The following SLC25A29 variants were observed in gnomAD, a reference collection of about 807,000 sequenced individuals.
SLC25A29 encodes solute carrier family 25 member 29.
In SLC25A29, 13 loss-of-function variants were observed where a neutral mutation model predicts 10.0. That is an observed-to-expected ratio of 1.30 (90% CI 0.85 to 2.07). The LOEUF is 2.07. Among genes scored for constraint, SLC25A29 ranks in the 30% most tolerant of loss-of-function variants. The pLI is 0.00. For synonymous variants in SLC25A29, 244 were observed against 221.1 expected (o/e 1.10, Z -0.92); for missense variants, 475 against 447.6 (o/e 1.06, Z -0.55).
At chr14:100,284,415 G>A in the SLC25A29 span, among the ~76,000 whole-genome samples, 1 of 152,126 alleles carries the variant, frequency 6.6e-6, no homozygotes, top group Non-Finnish European at 1.5e-5. Context: ...GGTCCTTGCT[G>A]ACCTCCCCAC....
intron 3 of SLC25A29, 33 bp downstream of exon 3, chr14:100,293,261 G>C (rs764866572): frequency 1.9e-6 from 3 of 1,606,504 alleles, no homozygotes; most frequent in Non-Finnish European, 2.6e-6. Flanking sequence ...CCCATCCTGT[G>C]CCTCCCGAGC....
chr14:100,299,402 C>G, intron 1 of SLC25A29: 2 of 997,070 alleles, frequency 2.0e-6, no homozygotes, highest in Non-Finnish European at 2.4e-6. Flanking sequence ...CCTCCCTCCC[C>G]CAGAGTGGCC....
In SLC25A29 at chr14:100,299,604, C is replaced by T. The variant is rs555707409; in HGVS notation, c.35-719G>A. The T allele has an allele frequency of 1.0e-4, 99 of 985,750 alleles. No individual in the cohort carries two copies. The Admixed American group carries it at 1.0e-3, about 10-fold the overall frequency. 61.1% of individuals were successfully genotyped at this position (985,750 alleles called of 1,614,324 possible). On this transcript the variant is annotated intron_variant, in intron 1 of 3. Transcript: ENST00000359232. ...GCCCCTCTTGAAGGACAAAGGTTCA[C>T]CCCTCCAAAATGGCTCACAAACACT...
intron 1 of SLC25A29, among the ~76,000 whole-genome samples, chr14:100,301,744 T>TCGA (rs1892564539): frequency 1.4e-5 from 2 of 142,166 alleles, no homozygotes; most frequent in South Asian, 4.6e-4. Flanking sequence ...TCTCCTGACC[T>TCGA]CGTGATCCAC....
At chr14:100,294,082 G>C (rs1401328132) in intron 2 of SLC25A29, 1 of 152,210 alleles carries the variant, frequency 6.6e-6, no homozygotes, top group African/African-American at 2.4e-5. Context: ...ACTCCAGCCT[G>C]GGCGAGAAAG....
In SLC25A29 at chr14:100,293,389, G is replaced by A. The variant is rs1377494231; in HGVS notation, c.79-12C>T. The A allele has an allele frequency of 1.2e-6, 2 of 1,611,898 alleles. No homozygotes were observed. Among genetic ancestry groups the A allele is most frequent in the East Asian group, 2.2e-5 (1 of 44,862 alleles). On this transcript the variant is annotated splice_polypyrimidine_tract_variant and intron_variant, in intron 2 of 3. Coordinates refer to ENST00000359232, the MANE Select transcript of SLC25A29 (RefSeq NM_001039355.3). ...ACCTGAAGCCGTACCTGGAAGGAGAGGGTCCAGTGAGAGGCAGGCAGGCAG... is the reference window on the plus strand; with the variant it reads ...ACCTGAAGCCGTACCTGGAAGGAGAAGGTCCAGTGAGAGGCAGGCAGGCAG...
the SLC25A29 span, chr14:100,280,893 T>G: frequency 6.6e-6 from 1 of 151,976 alleles, no homozygotes; most frequent in South Asian, 2.1e-4. Flanking sequence ...CCAGAGTTTG[T>G]GGCACAGGAA....
At chr14:100,298,704 G>GGAA in intron 2 of SLC25A29, 138 bp downstream of exon 2, 1 of 1,071,124 alleles carries the variant, frequency 9.3e-7, no homozygotes, top group East Asian at 2.4e-5. Context: ...AAAGCAGTGA[G>GGAA]GAAGGTTCAA....
intron 1 of SLC25A29, among the ~76,000 whole-genome samples, chr14:100,302,871 C>G (rs1236727551): frequency 6.6e-6 from 1 of 151,842 alleles, no homozygotes; most frequent in Non-Finnish European, 1.5e-5. Flanking sequence ...CCAGGAGATG[C>G]CAAGGGTGTG....
the SLC25A29 span, chr14:100,279,582 GGA>G: frequency 6.6e-6 from 1 of 152,302 alleles, no homozygotes; most frequent in Non-Finnish European, 1.5e-5. Flanking sequence ...CTGGCAGTCA[GGA>G]GAGAGGTCAG....
At chr14:100,298,418 C>G (rs905414654) in intron 2 of SLC25A29, among the ~76,000 whole-genome samples, 3 of 152,156 alleles carry the variant, frequency 2.0e-5, no homozygotes, top group Non-Finnish European at 2.9e-5. Flanking sequence ...GCCTCTGGCA[C>G]GTGGGAAACC....
chr14:100,285,042 A>C, the SLC25A29 span, among the ~76,000 whole-genome samples: 1 of 30,852 alleles, frequency 3.2e-5, no homozygotes, highest in Admixed American at 4.3e-4. Context: ...CGTCTAAAAA[A>C]GCGGGGGGGG....
intron 1 of SLC25A29, among the ~76,000 whole-genome samples, chr14:100,300,953 G>A (rs1222278387): frequency 6.6e-6 from 1 of 152,084 alleles, no homozygotes; most frequent in African/African-American, 2.4e-5. Flanking sequence ...AGGCTGGAGT[G>A]TAGTGTTGCG....
chr14:100,298,627 C>T, intron 2 of SLC25A29: 1 of 627,448 alleles, frequency 1.6e-6, no homozygotes, highest in Admixed American at 2.8e-5. Flanking sequence ...TCCAGCTGGC[C>T]AAGCCCAGGA....
intron 2 of SLC25A29, among the ~76,000 whole-genome samples, chr14:100,296,877 C>A (rs1033158047): frequency 6.6e-6 from 1 of 152,046 alleles, no homozygotes; most frequent in East Asian, 1.9e-4. Flanking sequence ...GGATTACAGG[C>A]ATGAGCCACT....
intron 3 of SLC25A29, 28 bp from the exon 4 acceptor site, chr14:100,293,060 C>A: frequency 6.7e-7 from 1 of 1,500,668 alleles, no homozygotes. Context: ...CCATCAGAGC[C>A]GGCAACGCGC....
chr14:100,286,347 T>A (rs1050767473), downstream of SLC25A29, among the ~76,000 whole-genome samples: 5 of 152,196 alleles, frequency 3.3e-5, no homozygotes, highest in African/African-American at 1.2e-4. Flanking sequence ...GTGTCTGCTC[T>A]TTGTCCTGTG....
chr14:100,286,141 G>A (rs1406302457), downstream of SLC25A29, among the ~76,000 whole-genome samples: 1 of 152,156 alleles, frequency 6.6e-6, no homozygotes, highest in East Asian at 1.9e-4. Flanking sequence ...TCCCTGGCCC[G>A]TCTCTGTATT....
chr14:100,286,949 A>G (rs1317994745), downstream of SLC25A29, among the ~76,000 whole-genome samples: 1 of 152,194 alleles, frequency 6.6e-6, no homozygotes, highest in African/African-American at 2.4e-5. Context: ...ACCCTCCCCA[A>G]CTGGTACCCT....
Sources: gnomAD v4.1 joint callset for allele counts (sites outside exome capture counted in the v4.1 genomes callset) on GRCh38, gnomAD v4.1.1 for gene constraint, MANE v1.5 for transcripts, NCBI Gene and HGNC (gene_info 2026-07-23, HGNC 2026-07-21) for gene names.